The following AMOTL1 variants were observed in gnomAD, a reference collection of about 807,000 sequenced individuals.
AMOTL1 encodes the protein angiomotin like 1.
A neutral mutation model predicts 102.9 loss-of-function variants in AMOTL1; 45 were observed. The ratio of observed to expected loss-of-function variants is 0.44; its 90% CI spans 0.34 to 0.56. The LOEUF is 0.56. Ranked by LOEUF, AMOTL1 falls within the 20% of genes least tolerant of loss-of-function variation. The probability of loss-of-function intolerance (pLI) is 0.01; values close to 1 mark genes in which losing one functional copy is unlikely to be tolerated. For missense variants in AMOTL1, 1,114 were observed against 1,225.6 expected, an observed-to-expected ratio of 0.91 and a Z score of 1.36; for synonymous variants, 481 against 484.7, an observed-to-expected ratio of 0.99 and a Z score of 0.10.
chr11:94,814,079 A>G lies in AMOTL1; in HGVS notation c.1122-7451A>G, dbSNP rs189706878. Among the ~76,000 whole-genome samples the G allele has an allele frequency of 5.9e-5, 9 of 152,228 alleles. No individual in the cohort carries two copies. The East Asian group carries it at 1.7e-3, about 29-fold the overall frequency. On this transcript the variant is annotated intron_variant, in intron 3 of 12. Transcript: ENST00000433060. ...TCGGGTGGGGCTTCTATCTTTTAAC[A>G]TTTATTTAACTCTGGGATTTGGAAG...
At chr11:94,821,457 A>G in intron 3 of AMOTL1, 73 bp from the exon 4 acceptor site, 1 of 1,470,620 alleles carries the variant, frequency 6.8e-7, no homozygotes. Context: ...CAACAGTGCC[A>G]GTATTGTTGG....
chr11:94,716,069 A>G (rs1161437745), intron 1 of AMOTL1, among the ~76,000 whole-genome samples: 2 of 152,002 alleles, frequency 1.3e-5, no homozygotes, highest in Non-Finnish European at 2.9e-5. Context: ...CCTTTTTTGT[A>G]CAAGTAAATT....
upstream of AMOTL1, chr11:94,768,223 G>T (rs898106538): frequency 7.9e-6 from 9 of 1,132,160 alleles, no homozygotes; most frequent in African/African-American, 1.3e-4. Context: ...AGGGGCGGCG[G>T]GTGTCTGCAG....
upstream of AMOTL1, among the ~76,000 whole-genome samples, chr11:94,767,553 G>T (rs548630828): frequency 1.3e-5 from 2 of 152,168 alleles, no homozygotes; most frequent in African/African-American, 2.4e-5. Flanking sequence ...CAGTTACCTA[G>T]CTTTCTCTTC....
chr11:94,732,361 T>C (rs1950367170), intron 2 of AMOTL1, among the ~76,000 whole-genome samples: 1 of 152,156 alleles, frequency 6.6e-6, no homozygotes, highest in African/African-American at 2.4e-5. Flanking sequence ...GTAGGAGAGC[T>C]TCCAGGAAGC....
intron 3 of AMOTL1, among the ~76,000 whole-genome samples, chr11:94,743,971 C>T (rs1384738615): frequency 6.6e-6 from 1 of 152,132 alleles, no homozygotes; most frequent in Non-Finnish European, 1.5e-5. Flanking sequence ...CCTGTACTCA[C>T]AATACTTCTG....
At chr11:94,719,153 T>C (rs1282584141) in intron 1 of AMOTL1, among the ~76,000 whole-genome samples, 1 of 152,110 alleles carries the variant, frequency 6.6e-6, no homozygotes, top group African/African-American at 2.4e-5. Flanking sequence ...GAAATGCCAA[T>C]TTTTTTCATA....
intron 1 of AMOTL1, among the ~76,000 whole-genome samples, chr11:94,787,617 G>A (rs1437808927): frequency 1.3e-5 from 2 of 148,608 alleles, no homozygotes; most frequent in African/African-American, 2.5e-5. Context: ...GAACCCGGGA[G>A]GCGGAGCTTG....
In AMOTL1 at chr11:94,799,567, C is replaced by A; in HGVS notation, c.377C>A (p.Thr126Lys). Residue 126 changes from threonine to lysine, a missense_variant, in exon 3 of 13, where the codon ACA (threonine) becomes AAA (lysine). Coordinates refer to ENST00000433060, the MANE Select transcript of AMOTL1 (RefSeq NM_130847.3). This position sits in a 1 kb window ranked among gnomAD's most constrained non-coding sequence, Gnocchi z 4.5. ...TTGCTGGCCATTCAGCACCAGGCCA[C>A]AGGGAGTGCAGGACCAGCCCATCCT... ...MNLLAIQHQA[T>K]GSAGPAHPTN... 1 of 1,613,734 alleles carries A rather than the reference C, an allele frequency of 6.2e-7. No homozygotes were observed. Among genetic ancestry groups the A allele is most frequent in the Non-Finnish European group, 8.5e-7 (1 of 1,179,820 alleles).
upstream of AMOTL1, chr11:94,768,173 G>A (rs1366933203): frequency 2.8e-6 from 2 of 719,924 alleles, no homozygotes; most frequent in Non-Finnish European, 3.4e-6. Flanking sequence ...GTCAGCTTGA[G>A]CTCTGGGCAA....
intron 1 of AMOTL1, among the ~76,000 whole-genome samples, chr11:94,781,855 AG>A (rs1379533469): frequency 6.6e-6 from 1 of 152,056 alleles, no homozygotes; most frequent in East Asian, 1.9e-4. Flanking sequence ...AAAAAAAAAA[AG>A]AAAAAAACTA....
At chr11:94,786,576 CTTTTTTCT>C (rs1431815294) in intron 1 of AMOTL1, among the ~76,000 whole-genome samples, 2 of 112,582 alleles carry the variant, frequency 1.8e-5, no homozygotes, top group African/African-American at 6.4e-5. Flanking sequence ...CTTCTTTTTT[CTTTTTTCT>C]TTTTTTCTTT....
At position 94,871,922 on chromosome 11, in the gene AMOTL1, CTCCCGTATAGCT is replaced by C. The variant is rs1316788647; in HGVS notation, c.*1130_*1141del. 3.3e-5 allele frequency: 5 copies of C among 151,896 alleles called. No homozygotes were observed. Among genetic ancestry groups the C allele is most frequent in the African/African-American group, 1.2e-4 (5 of 41,294 alleles). The allele number at this position is 151,896 out of a possible 1,614,324, so 9.4% of individuals were successfully genotyped here. On this transcript the variant is annotated 3_prime_UTR_variant, in exon 13 of 13. Transcript: ENST00000433060. Reference sequence around the variant, plus strand: ...CAGTGGTTTCCAGAATCTCACCAGCCTCCCGTATAGCTTCTTGTATTGAGGCTCATGAGCGTA... The same window carrying C: ...CAGTGGTTTCCAGAATCTCACCAGCCTCTTGTATTGAGGCTCATGAGCGTA...
chr11:94,830,450 G>A (rs1013906651), intron 5 of AMOTL1, among the ~76,000 whole-genome samples: 3 of 152,226 alleles, frequency 2.0e-5, no homozygotes, highest in Admixed American at 6.5e-5. Context: ...CAAAGGAAGG[G>A]ATTCTGTTTG....
chr11:94,724,528 G>T (rs1384652260), intron 1 of AMOTL1, among the ~76,000 whole-genome samples: 1 of 152,124 alleles, frequency 6.6e-6, no homozygotes, highest in Non-Finnish European at 1.5e-5. Flanking sequence ...AAGGCCCTGA[G>T]ATCCATTCCA....
At chr11:94,761,100 A>G (rs1950786928) in intron 3 of AMOTL1, among the ~76,000 whole-genome samples, 1 of 151,546 alleles carries the variant, frequency 6.6e-6, no homozygotes, top group Admixed American at 6.6e-5. Flanking sequence ...TGAATGAACC[A>G]TTATAGTTCT....
intron 1 of AMOTL1, among the ~76,000 whole-genome samples, chr11:94,787,992 T>C (rs1241174105): frequency 6.6e-6 from 1 of 152,206 alleles, no homozygotes; most frequent in East Asian, 1.9e-4. Flanking sequence ...TAGAGACTGC[T>C]GCTGCTCCTG....
intron 1 of AMOTL1, among the ~76,000 whole-genome samples, chr11:94,787,769 A>G (rs1383378127): frequency 6.6e-6 from 1 of 151,552 alleles, no homozygotes; most frequent in Non-Finnish European, 1.5e-5. Flanking sequence ...AATCAGAACA[A>G]TTGCTTAAAA....
intron 3 of AMOTL1, among the ~76,000 whole-genome samples, chr11:94,747,666 A>T (rs1950605567): frequency 6.6e-6 from 1 of 152,210 alleles, no homozygotes; most frequent in South Asian, 2.1e-4. Context: ...TCAGTGGCTT[A>T]ACACAAGGAA....
Sources: gnomAD v4.1 joint callset for allele counts (sites outside exome capture counted in the v4.1 genomes callset) on GRCh38, gnomAD v4.1.1 for gene constraint, Gnocchi (gnomAD v3.1) non-coding constraint, MANE v1.5 for transcripts, NCBI Gene and HGNC (gene_info 2026-07-23, HGNC 2026-07-21) for gene names.